SHE: variants seen among roughly 807,000 people sequenced by gnomAD.
The protein encoded by SHE is SH2 domain-containing adapter protein E.
Under a neutral mutation model 49.8 loss-of-function variants are expected in SHE, and 11 were observed. That is an observed-to-expected ratio of 0.22 (90% CI 0.14 to 0.37). SHE has a LOEUF of 0.37. SHE is among the 10% of genes least tolerant of loss of function. The probability of loss-of-function intolerance (pLI) is 1.00; values close to 1 mark genes in which losing one functional copy is unlikely to be tolerated. For missense variants in SHE, 624 were observed against 655.5 expected (o/e 0.95, Z 0.52); for synonymous variants, 310 against 278.1 (o/e 1.11, Z -1.14).
chr1:154,483,849 T>A lies in SHE; in HGVS notation c.*300A>T. The A allele has an allele frequency of 1.2e-6, 1 of 838,832 alleles. No homozygotes were observed. The highest frequency in any genetic ancestry group is 1.8e-5 in the African/African-American group (1 of 55,674). 52.0% of individuals were successfully genotyped at this position (838,832 alleles called of 1,614,324 possible). A position where few individuals can be genotyped will look rare whatever the true frequency, so the allele number is the denominator to read the frequency against. ...TCTACTAAAAATACAAAAAAAAAAA[T>A]TAGCTGGGAGTGGTGGTGCGAACCT... On this transcript the variant is annotated 3_prime_UTR_variant, in exon 6 of 6. Transcript: ENST00000304760.
At position 154,481,358 on chromosome 1, in the gene SHE, G is replaced by C; in HGVS notation, c.*2791C>G. The C allele has an allele frequency of 1.0e-6, 1 of 985,390 alleles. No homozygotes were observed. Among genetic ancestry groups the C allele is most frequent in the Non-Finnish European group, 1.2e-6 (1 of 829,934 alleles). The allele number at this position is 985,390 out of a possible 1,614,324, so 61.0% of individuals were successfully genotyped here. ...TTATAACCTCCTGTACAACTGTAAA[G>C]CAACTGGACAATATGTAAACTCTGC... On this transcript the variant is annotated 3_prime_UTR_variant, in exon 6 of 6. Coordinates refer to ENST00000304760, the MANE Select transcript of SHE (RefSeq NM_001010846.3).
intron 2 of SHE, among the ~76,000 whole-genome samples, chr1:154,494,503 C>T (rs183098376): frequency 6.7e-6 from 1 of 149,088 alleles, no homozygotes; most frequent in Admixed American, 6.7e-5. Flanking sequence ...CATGAGCCAC[C>T]GGGCCCGGCA....
At chr1:154,488,378 C>G (rs1436695746) in intron 3 of SHE, among the ~76,000 whole-genome samples, 1 of 151,678 alleles carries the variant, frequency 6.6e-6, no homozygotes, top group Non-Finnish European at 1.5e-5. Context: ...TCTGCCTCAG[C>G]CTCTTGAGTA....
chr1:154,482,412 T>C lies in SHE; in HGVS notation c.*1737A>G, dbSNP rs1416536627. The C allele has an allele frequency of 3.0e-6, 3 of 985,286 alleles. No individual in the cohort carries two copies. The highest frequency in any genetic ancestry group is 3.5e-5 in the African/African-American group (2 of 57,248). 61.0% of individuals were successfully genotyped at this position (985,286 alleles called of 1,614,324 possible). On this transcript the variant is annotated 3_prime_UTR_variant, in exon 6 of 6. Transcript: ENST00000304760. Reference sequence around the variant, plus strand: ...ACACAACCTTTTGGCTGAGATCTTATCTGAATAAAGAAGCAAAAATTTACT... The same window carrying C: ...ACACAACCTTTTGGCTGAGATCTTACCTGAATAAAGAAGCAAAAATTTACT...
intron 1 of SHE, among the ~76,000 whole-genome samples, chr1:154,473,127 T>C (rs112563675): frequency 4.0e-5 from 6 of 151,770 alleles, no homozygotes; most frequent in African/African-American, 1.5e-4. Flanking sequence ...GCCTCCCGAG[T>C]AGCTGGGATT....
intron 1 of SHE, chr1:154,470,439 A>G: frequency 8.1e-7 from 1 of 1,237,404 alleles, no homozygotes; most frequent in Non-Finnish European, 1.1e-6. Context: ...ACTGAGGCAC[A>G]GGGCAACCAA....
intron 2 of SHE, among the ~76,000 whole-genome samples, chr1:154,495,499 T>C (rs1273725574): frequency 1.3e-5 from 2 of 152,198 alleles, no homozygotes; most frequent in South Asian, 2.1e-4. Context: ...CCAGGCTTCC[T>C]GGGTCCCATA....
chr1:154,501,977 G>A lies in SHE; in HGVS notation c.50C>T (p.Ser17Phe). Residue 17 changes from serine to phenylalanine, a missense_variant, in exon 1 of 6, where the codon TCC becomes TTC. Physicochemically the swap from Ser to Phe is radical, Grantham distance 155 (BLOSUM62 -2). Transcript: ENST00000304760. Reference protein sequence around the residue: ...PGASACLGWASSLACSTAPTL... With the variant: ...PGASACLGWAFSLACSTAPTL... ...CGGGGCCGTGGAGCAGGCGAGCGAGGAAGCCCAGCCCAGACACGCAGAGGC... is the reference window on the plus strand; with the variant it reads ...CGGGGCCGTGGAGCAGGCGAGCGAGAAAGCCCAGCCCAGACACGCAGAGGC... 1 of 1,420,648 alleles carries A rather than the reference G, an allele frequency of 7.0e-7. No individual in the cohort carries two copies. The highest frequency in any genetic ancestry group is 9.1e-7 in the Non-Finnish European group (1 of 1,097,292). 88.0% of individuals were successfully genotyped at this position (1,420,648 alleles called of 1,614,324 possible).
chr1:154,484,406 G>T, intron 5 of SHE, 71 bp from the exon 6 acceptor site: 2 of 1,350,114 alleles, frequency 1.5e-6, no homozygotes, highest in Non-Finnish European at 2.1e-6. Context: ...AACAATTGCA[G>T]CCAGATTCAC....
intron 1 of SHE, among the ~76,000 whole-genome samples, 167 bp downstream of exon 1, chr1:154,501,269 A>G (rs1470196472): frequency 2.6e-5 from 4 of 152,234 alleles, no homozygotes; most frequent in Non-Finnish European, 5.9e-5. Context: ...GAATTAAAAA[A>G]CAGTCTAAGA....
downstream of SHE, among the ~76,000 whole-genome samples, chr1:154,477,644 A>G (rs923756312): frequency 6.6e-6 from 1 of 152,100 alleles, no homozygotes; most frequent in Non-Finnish European, 1.5e-5. Flanking sequence ...TAATCTCAGC[A>G]CTTTGGGAGG....
In SHE at chr1:154,482,428, A is replaced by G; in HGVS notation, c.*1721T>C. 3.0e-6 allele frequency: 3 copies of G among 985,356 alleles called. No individual in the cohort carries two copies. The highest frequency in any genetic ancestry group is 3.6e-6 in the Non-Finnish European group (3 of 829,844). 61.0% of individuals were successfully genotyped at this position (985,356 alleles called of 1,614,324 possible). ...GAGATCTTATCTGAATAAAGAAGCAAAAATTTACTAACCTCTAAATCTTAC... is the reference window on the plus strand; with the variant it reads ...GAGATCTTATCTGAATAAAGAAGCAGAAATTTACTAACCTCTAAATCTTAC... On this transcript the variant is annotated 3_prime_UTR_variant, in exon 6 of 6. Transcript: ENST00000304760.
At chr1:154,486,799 A>G in intron 3 of SHE, 116 bp from the exon 4 acceptor site, 1 of 1,186,878 alleles carries the variant, frequency 8.4e-7, no homozygotes, top group Non-Finnish European at 1.2e-6. Flanking sequence ...TCCCCCTTTA[A>G]CATTAACTAT....
In SHE at chr1:154,482,790, C is replaced by T. The variant is rs1226450020; in HGVS notation, c.*1359G>A. 1.0e-6 allele frequency: 1 copy of T among 985,246 alleles called. No homozygotes were observed. Among genetic ancestry groups the T allele is most frequent in the African/African-American group, 1.7e-5 (1 of 57,224 alleles). The allele number at this position is 985,246 out of a possible 1,614,324, so 61.0% of individuals were successfully genotyped here. On this transcript the variant is annotated 3_prime_UTR_variant, in exon 6 of 6. Transcript: ENST00000304760. ...AGTAATGGTATTTAAGAGAAAACCTCTAGGTCTTTTCAAACACTTCTGTAT... is the reference window on the plus strand; with the variant it reads ...AGTAATGGTATTTAAGAGAAAACCTTTAGGTCTTTTCAAACACTTCTGTAT...
chr1:154,495,010 C>T (rs1044501547), intron 2 of SHE, among the ~76,000 whole-genome samples: 3 of 152,224 alleles, frequency 2.0e-5, no homozygotes, highest in Non-Finnish European at 2.9e-5. Flanking sequence ...TGAGATTGCA[C>T]CACTGCACTC....
Position 154,480,543 on chromosome 1 carries a change from CT to C in SHE, c.*3605del. ...CTGCCTCAAAAACTCCTGGCTGCCCCTATCAGCTACCTGCCCACCTCCCCAT... is the reference window on the plus strand; with the variant it reads ...CTGCCTCAAAAACTCCTGGCTGCCCCATCAGCTACCTGCCCACCTCCCCAT... On this transcript the variant is annotated 3_prime_UTR_variant, in exon 6 of 6. Transcript: ENST00000304760. 2.0e-6 allele frequency: 2 copies of C among 985,530 alleles called. No individual in the cohort carries two copies. The highest frequency in any genetic ancestry group is 2.4e-6 in the Non-Finnish European group (2 of 829,942). The allele number at this position is 985,530 out of a possible 1,614,324, so 61.0% of individuals were successfully genotyped here.
chr1:154,472,932 CA>C (rs1473758516), intron 1 of SHE, among the ~76,000 whole-genome samples: 1 of 152,018 alleles, frequency 6.6e-6, no homozygotes, highest in Non-Finnish European at 1.5e-5. Flanking sequence ...GAGGCCAAGG[CA>C]GGGGGATGGC....
chr1:154,483,883 A>G lies in SHE; in HGVS notation c.*266T>C, dbSNP rs1692090936. On this transcript the variant is annotated 3_prime_UTR_variant, in exon 6 of 6. Coordinates refer to ENST00000304760, the MANE Select transcript of SHE (RefSeq NM_001010846.3). The stretch of plus-strand genomic sequence containing the variant: ...AGTGGTGGTGCGAACCTATAGTCCC[A>G]CCTACTTGGGAGGCTGATGGGGAAG... 1 of 1,054,154 alleles carries G rather than the reference A, an allele frequency of 9.5e-7. No individual in the cohort carries two copies. The highest frequency in any genetic ancestry group is 1.2e-6 in the Non-Finnish European group (1 of 814,944). The allele number at this position is 1,054,154 out of a possible 1,614,324, so 65.3% of individuals were successfully genotyped here.
In SHE at chr1:154,502,050, G is replaced by A; in HGVS notation, c.-24C>T. 5 of 1,267,874 alleles carry A rather than the reference G, an allele frequency of 3.9e-6. No homozygotes were observed. The highest frequency in any genetic ancestry group is 4.9e-6 in the Non-Finnish European group (5 of 1,010,174). The allele number at this position is 1,267,874 out of a possible 1,614,324, so 78.5% of individuals were successfully genotyped here. On this transcript the variant is annotated 5_prime_UTR_variant, in exon 1 of 6. Coordinates refer to ENST00000304760, the MANE Select transcript of SHE (RefSeq NM_001010846.3). ...ATTCCCCGTGACTGGGGCGCTGGAG[G>A]CCGCGGCGAGGCCCCGCGACGGCTG...
Sources: allele counts gnomAD v4.1 joint callset (sites outside exome capture counted in the v4.1 genomes callset), GRCh38; gene constraint gnomAD v4.1.1; transcripts MANE v1.5; gene names NCBI Gene and HGNC (gene_info 2026-07-23, HGNC 2026-07-21).